KCNK10: variants seen among roughly 807,000 people sequenced by gnomAD.
KCNK10 encodes potassium channel subfamily K member 10.
A neutral mutation model predicts 47.7 loss-of-function variants in KCNK10; 25 were observed. The ratio of observed to expected loss-of-function variants is 0.52; its 90% CI spans 0.38 to 0.73. The LOEUF (loss-of-function observed/expected upper bound fraction) is 0.73. Among genes scored for constraint, KCNK10 ranks in the 30% least tolerant of loss-of-function variants. The probability of loss-of-function intolerance (pLI) is 0.00; values close to 1 mark genes in which losing one functional copy is unlikely to be tolerated. For missense variants in KCNK10, 563 were observed against 714.5 expected (o/e 0.79, Z 2.42); for synonymous variants, 303 against 285.6 (o/e 1.06, Z -0.61).
intron 4 of KCNK10, among the ~76,000 whole-genome samples, chr14:88,225,044 G>A (rs1566692075): frequency 6.6e-6 from 1 of 152,156 alleles, no homozygotes; most frequent in Non-Finnish European, 1.5e-5. Flanking sequence ...TCCCCCATGA[G>A]AACTAAAAAT....
rs372238388 is a variant in KCNK10, at chr14:88,205,632, C to T, written c.682-13222G>A. 8.7e-5 allele frequency among the ~76,000 whole-genome samples: 13 copies of T among 149,144 alleles called. No homozygotes were observed. The South Asian group carries it at 2.4e-3, about 27-fold the overall frequency. On this transcript the variant is annotated intron_variant, in intron 4 of 6. Transcript: ENST00000319231. Reference sequence around the variant, plus strand: ...TGACCTCGGCTCACTGCAACCTCTGCCTCCCGGGTTCAAGTGATTCTCCTG... The same window carrying T: ...TGACCTCGGCTCACTGCAACCTCTGTCTCCCGGGTTCAAGTGATTCTCCTG...
At chr14:88,189,382 C>T (rs1021660551) in intron 5 of KCNK10, among the ~76,000 whole-genome samples, 2 of 152,178 alleles carry the variant, frequency 1.3e-5, no homozygotes, top group African/African-American at 4.8e-5. Context: ...AGGATACGAT[C>T]TGAGTTCCCG....
chr14:88,322,882 G>A lies in KCNK10; in HGVS notation c.-84C>T. ...AAGCTTTACACGCCTCGGTTTAGCA[G>A]TCCAACAAAACAATTTCCGAGGATG... is the stretch of plus-strand genomic sequence containing the variant. On this transcript the variant is annotated 5_prime_UTR_variant, in exon 1 of 7. Transcript: ENST00000319231. The surrounding 1 kb of genome is among the most constrained non-coding windows in gnomAD (Gnocchi z 4.8). 6.2e-7 allele frequency: 1 copy of A among 1,604,600 alleles called. No homozygotes were observed. The highest frequency in any genetic ancestry group is 8.5e-7 in the Non-Finnish European group (1 of 1,175,442).
At chr14:88,193,609 T>C (rs1413176789) in intron 4 of KCNK10, among the ~76,000 whole-genome samples, 3 of 152,114 alleles carry the variant, frequency 2.0e-5, no homozygotes, top group Admixed American at 2.0e-4. Context: ...GGGCAATCAA[T>C]ATAGGAAATC....
At chr14:88,263,614 G>T in intron 1 of KCNK10, 63 bp from the exon 2 acceptor site, 1 of 1,409,828 alleles carries the variant, frequency 7.1e-7, no homozygotes, top group Non-Finnish European at 9.6e-7. Context: ...TACAAAACGT[G>T]TCAGAAACAA....
chr14:88,293,434 C>A (rs1440251557), intron 1 of KCNK10, among the ~76,000 whole-genome samples: 3 of 152,168 alleles, frequency 2.0e-5, no homozygotes, highest in African/African-American at 7.2e-5. Flanking sequence ...CTACCACCAT[C>A]CTCCCAAGTT....
At chr14:88,202,775 A>G (rs1331837223) in intron 4 of KCNK10, among the ~76,000 whole-genome samples, 1 of 139,628 alleles carries the variant, frequency 7.2e-6, no homozygotes, top group Non-Finnish European at 1.5e-5. Context: ...AGATCTTCCT[A>G]GAGTCTTCCG....
chr14:88,202,192 C>T (rs1186651566), intron 4 of KCNK10, among the ~76,000 whole-genome samples: 1 of 152,186 alleles, frequency 6.6e-6, no homozygotes, highest in Non-Finnish European at 1.5e-5. Flanking sequence ...ACCCTGGTGA[C>T]GCTCAGCCTG....
At chr14:88,210,580 C>T (rs1000475853) in intron 4 of KCNK10, among the ~76,000 whole-genome samples, 5 of 152,120 alleles carry the variant, frequency 3.3e-5, no homozygotes, top group African/African-American at 7.2e-5. Context: ...CTGAGCCACC[C>T]GTCCTCCCAC....
chr14:88,325,866 TC>T (rs1165575326), upstream of KCNK10, among the ~76,000 whole-genome samples: 1 of 151,446 alleles, frequency 6.6e-6, no homozygotes, highest in Non-Finnish European at 1.5e-5. Flanking sequence ...AGGTTGCAGG[TC>T]CCCATTAAAA....
chr14:88,187,502 A>T (rs1045071125), intron 6 of KCNK10, among the ~76,000 whole-genome samples: 1 of 152,022 alleles, frequency 6.6e-6, no homozygotes, highest in Admixed American at 6.5e-5. Context: ...AAAGAGGCCC[A>T]TTGGGCTCAC....
At chr14:88,197,572 T>TGAAAAAAA (rs1884957105) in intron 4 of KCNK10, among the ~76,000 whole-genome samples, 2 of 17,142 alleles carry the variant, frequency 1.2e-4, no homozygotes, top group Non-Finnish European at 3.1e-4. Flanking sequence ...AGACTCCGAC[T>TGAAAAAAA]AAAAAAAAAA....
chr14:88,202,309 G>A lies in KCNK10; in HGVS notation c.682-9899C>T, dbSNP rs145662663. 3.2e-4 allele frequency among the ~76,000 whole-genome samples: 49 copies of A among 152,306 alleles called. No individual in the cohort carries two copies. The East Asian group carries it at 6.2e-3, about 19-fold the overall frequency. ...TAATGTGATCACAGGGCATGTCCAC[G>A]TCAGAGGATCCTTGTCATTCTTTTT... On this transcript the variant is annotated intron_variant, in intron 4 of 6. Coordinates refer to ENST00000319231, the MANE Select transcript of KCNK10 (RefSeq NM_138317.3).
intron 4 of KCNK10, among the ~76,000 whole-genome samples, chr14:88,216,653 G>A (rs796679048): frequency 1.3e-5 from 2 of 152,322 alleles, no homozygotes; most frequent in African/African-American, 2.4e-5. Flanking sequence ...AGTCTGTTTT[G>A]TGGATGTCAT....
chr14:88,326,186 C>T (rs865974012), upstream of KCNK10, among the ~76,000 whole-genome samples: 5 of 131,748 alleles, frequency 3.8e-5, no homozygotes, highest in Admixed American at 2.2e-4. Context: ...TACCCGCCCC[C>T]CCCCAAAAAA....
At chr14:88,220,416 C>CAAAAAAAA (rs58562095) in intron 4 of KCNK10, among the ~76,000 whole-genome samples, 23 of 30,160 alleles carry the variant, frequency 7.6e-4, no homozygotes, top group African/African-American at 1.8e-3. Context: ...GACTCCGTCT[C>CAAAAAAAA]AAAAAAAAAA....
chr14:88,287,686 T>G (rs1214585450), intron 1 of KCNK10, among the ~76,000 whole-genome samples: 3 of 37,756 alleles, frequency 7.9e-5, no homozygotes, highest in Admixed American at 3.3e-4. Context: ...TGTGTGTGTG[T>G]GTGTGTGTGT....
At chr14:88,283,231 T>A (rs1887688699) in intron 1 of KCNK10, among the ~76,000 whole-genome samples, 1 of 152,158 alleles carries the variant, frequency 6.6e-6, no homozygotes, top group South Asian at 2.1e-4. Flanking sequence ...TGGGACACAT[T>A]TATGTAAAAA....
upstream of KCNK10, among the ~76,000 whole-genome samples, chr14:88,324,434 T>A (rs1888620610): frequency 6.6e-6 from 1 of 152,188 alleles, no homozygotes; most frequent in Non-Finnish European, 1.5e-5. Flanking sequence ...AATGAAGACA[T>A]GAATTGCATG....
Sources: allele counts gnomAD v4.1 joint callset (sites outside exome capture counted in the v4.1 genomes callset), GRCh38; gene constraint gnomAD v4.1.1; non-coding constraint Gnocchi (gnomAD v3.1); transcripts MANE v1.5; gene names NCBI Gene and HGNC (gene_info 2026-07-23, HGNC 2026-07-21).